Variants in ZC3H12B observed in about 807,000 individuals in gnomAD.
ZC3H12B encodes zinc finger CCCH-type containing 12B.
A neutral mutation model predicts 43.9 loss-of-function variants in ZC3H12B; 7 were observed. That is an observed-to-expected ratio of 0.16 (90% CI 0.09 to 0.30). The LOEUF is 0.30. Among genes scored for constraint, ZC3H12B ranks in the 10% least tolerant of loss-of-function variants. The probability of loss-of-function intolerance (pLI) is 1.00; values close to 1 mark genes in which losing one functional copy is unlikely to be tolerated. For synonymous variants in ZC3H12B, 222 were observed against 241.7 expected (o/e 0.92, Z 0.76); for missense variants, 475 against 670.2 (o/e 0.71, Z 3.22).
chrX:65,290,641 T>C, the ZC3H12B span, among the ~76,000 whole-genome samples: 6 of 111,277 alleles, frequency 5.4e-5, 1 homozygote, highest in African/African-American at 2.0e-4. Context: ...AAAGAAAATA[T>C]ACATATACAC....
chrX:65,126,484 A>T, the ZC3H12B span, among the ~76,000 whole-genome samples: 1 of 111,010 alleles, frequency 9.0e-6, no homozygotes, highest in Non-Finnish European at 1.9e-5. Flanking sequence ...TCTTTTTGTG[A>T]GGAATTTCCC....
chrX:65,277,363 T>C, the ZC3H12B span, among the ~76,000 whole-genome samples: 9 of 111,443 alleles, frequency 8.1e-5, no homozygotes, highest in Non-Finnish European at 1.7e-4. Flanking sequence ...ATACACCAAA[T>C]GGACCTAAGA....
At chrX:65,148,995 G>T in the ZC3H12B span, among the ~76,000 whole-genome samples, 5 of 110,800 alleles carry the variant, frequency 4.5e-5, no homozygotes, top group African/African-American at 6.6e-5. Flanking sequence ...CCATACTAGT[G>T]TTAACTGGTT....
chrX:65,135,383 T>A, the ZC3H12B span, among the ~76,000 whole-genome samples: 1 of 110,773 alleles, frequency 9.0e-6, no homozygotes, highest in East Asian at 2.8e-4. Context: ...CCAAATTTTA[T>A]TTTTTTAAAT....
chrX:65,433,443 A>G (rs1337976135), intron 3 of ZC3H12B, among the ~76,000 whole-genome samples: 1 of 111,885 alleles, frequency 8.9e-6, no homozygotes, highest in East Asian at 2.8e-4. Flanking sequence ...AGGTTAGAGA[A>G]CTAATGTGGG....
At chrX:65,340,058 C>G in the ZC3H12B span, among the ~76,000 whole-genome samples, 4 of 111,977 alleles carry the variant, frequency 3.6e-5, no homozygotes, top group Non-Finnish European at 7.5e-5. Flanking sequence ...AAACCCCTAC[C>G]AGTGACCCGT....
intron 2 of ZC3H12B, among the ~76,000 whole-genome samples, chrX:65,378,838 G>T (rs1439432043): frequency 1.8e-5 from 2 of 112,578 alleles, no homozygotes; most frequent in African/African-American, 6.5e-5. Flanking sequence ...GTCAAAGAAA[G>T]TGGTGACAGA....
the ZC3H12B span, among the ~76,000 whole-genome samples, chrX:65,342,596 C>T: frequency 9.0e-6 from 1 of 111,520 alleles, no homozygotes; most frequent in Non-Finnish European, 1.9e-5. Flanking sequence ...TCAACAAGTT[C>T]TTTGAAACTA....
intron 2 of ZC3H12B, among the ~76,000 whole-genome samples, chrX:65,387,379 C>A (rs1439321549): frequency 9.0e-6 from 1 of 111,677 alleles, no homozygotes; most frequent in Non-Finnish European, 1.9e-5. Flanking sequence ...TGGAACTGAT[C>A]CCTTTACCAT....
the ZC3H12B span, among the ~76,000 whole-genome samples, chrX:65,219,471 C>A: frequency 2.7e-5 from 3 of 111,286 alleles, no homozygotes; most frequent in African/African-American, 9.8e-5. Context: ...AAAATCACAA[C>A]TTCTGGAAAT....
intron 2 of ZC3H12B, among the ~76,000 whole-genome samples, chrX:65,371,392 T>C (rs1016341880): frequency 7.2e-5 from 8 of 111,722 alleles, no homozygotes; most frequent in South Asian, 3.7e-4. Flanking sequence ...CAGTACACGA[T>C]GGATCCAGAA....
At chrX:65,140,454 C>T in the ZC3H12B span, among the ~76,000 whole-genome samples, 4 of 111,795 alleles carry the variant, frequency 3.6e-5, no homozygotes, top group Admixed American at 2.8e-4. Context: ...CACACTTGAT[C>T]TTGATGAATA....
the ZC3H12B span, among the ~76,000 whole-genome samples, chrX:65,225,863 T>A: frequency 7.2e-5 from 8 of 111,533 alleles, no homozygotes; most frequent in Non-Finnish European, 1.3e-4. Flanking sequence ...CTCCAAGAAA[T>A]ATGGGACTTT....
chrX:65,288,526 G>A, the ZC3H12B span, among the ~76,000 whole-genome samples: 3 of 112,418 alleles, frequency 2.7e-5, no homozygotes, highest in South Asian at 3.6e-4. Flanking sequence ...AATGTGATAC[G>A]TCACATGACA....
At chrX:65,211,929 AAT>A in the ZC3H12B span, among the ~76,000 whole-genome samples, 1 of 72,533 alleles carries the variant, frequency 1.4e-5, no homozygotes, top group Non-Finnish European at 2.3e-5. Context: ...TATAATATAT[AAT>A]ATATGTTATG....
chrX:65,441,746 G>C (rs1030110652), intron 3 of ZC3H12B, among the ~76,000 whole-genome samples: 1 of 111,484 alleles, frequency 9.0e-6, no homozygotes, highest in Non-Finnish European at 1.9e-5. Context: ...GGGACCTTTT[G>C]CAGGGGTTCC....
chrX:65,268,678 A>G, the ZC3H12B span, among the ~76,000 whole-genome samples: 16 of 112,549 alleles, frequency 1.4e-4, no homozygotes, highest in Admixed American at 1.4e-3. Flanking sequence ...ATACAGAAAA[A>G]TAATTTGACA....
intron 1 of ZC3H12B, among the ~76,000 whole-genome samples, chrX:65,496,854 G>A (rs1444809750): frequency 9.3e-6 from 1 of 107,808 alleles, no homozygotes; most frequent in Non-Finnish European, 1.9e-5. Flanking sequence ...TACTCAGGAG[G>A]TGGAAGCAGG....
At chrX:65,212,657 T>TATATAAATATATATGATTTATATATC in the ZC3H12B span, among the ~76,000 whole-genome samples, 1 of 85,728 alleles carries the variant, frequency 1.2e-5, no homozygotes, top group African/African-American at 4.4e-5. Flanking sequence ...TATCATATAT[T>TATATAAATATATATGATTTATATATC]ATATATAAAT....
Sources: gnomAD v4.1 joint callset for allele counts (sites outside exome capture counted in the v4.1 genomes callset) on GRCh38, gnomAD v4.1.1 for gene constraint, MANE v1.5 for transcripts, NCBI Gene and HGNC (gene_info 2026-07-23, HGNC 2026-07-21) for gene names.